The following PTPRJ variants were observed in gnomAD, a reference collection of about 807,000 sequenced individuals.
PTPRJ encodes protein tyrosine phosphatase receptor type J, also known as receptor-type tyrosine-protein phosphatase eta.
A neutral mutation model predicts 141.3 loss-of-function variants in PTPRJ; 129 were observed. The ratio of observed to expected loss-of-function variants is 0.91; its 90% CI spans 0.79 to 1.06. The LOEUF (loss-of-function observed/expected upper bound fraction) is 1.06. Among genes scored for constraint, PTPRJ ranks in the 50% least tolerant of loss-of-function variants. The pLI, the probability that PTPRJ is intolerant of heterozygous loss-of-function variation, is 0.00. For synonymous variants in PTPRJ, 610 were observed against 640.5 expected (o/e 0.95, Z 0.72); for missense variants, 1,601 against 1,679.7 (o/e 0.95, Z 0.82).
intron 1 of PTPRJ, among the ~76,000 whole-genome samples, chr11:48,022,164 T>G (rs1349104856): frequency 6.6e-6 from 1 of 151,836 alleles, no homozygotes; most frequent in East Asian, 1.9e-4. Flanking sequence ...AAGTGTTGGT[T>G]GTATATAAGA....
rs375496297 is a variant in PTPRJ at position 48,121,000 on chromosome 11, T to C, written c.353-3T>C. 56 of 1,570,516 alleles carry C rather than the reference T, an allele frequency of 3.6e-5. No homozygotes were observed. Among genetic ancestry groups the C allele is most frequent in the Non-Finnish European group, 4.2e-5 (49 of 1,157,000 alleles). On this transcript the variant is annotated splice_region_variant and splice_polypyrimidine_tract_variant and intron_variant, in intron 3 of 24. Transcript: ENST00000418331. ...AATTTTTTTTTTTTTTTTAACAATA[T>C]AGGGCCCAGTCCTGTGTTTGACATT...
At position 47,980,920 on chromosome 11, in the gene PTPRJ, C is replaced by G. The variant is rs1386421417; in HGVS notation, c.8C>G (p.Pro3Arg). 4 of 1,166,214 alleles carry G rather than the reference C, an allele frequency of 3.4e-6. No homozygotes were observed. Among genetic ancestry groups the G allele is most frequent in the Non-Finnish European group, 3.2e-6 (3 of 946,936 alleles). 72.2% of individuals were successfully genotyped at this position (1,166,214 alleles called of 1,614,324 possible). The change falls in exon 1 of 25, where the codon CCG (proline) becomes CGG (arginine). Residue 3 changes from proline (P) to arginine (R), a missense_variant. Coordinates refer to ENST00000418331, the MANE Select transcript of PTPRJ (RefSeq NM_002843.4). ...TTCCAGGGCGCGCGGGGCATGAAGC[C>G]GGCGGCGCGGGAGGCGCGGCTGCCT... MK[P>R]AAREARLPPR...
At chr11:48,141,638 G>A (rs1295011517) in intron 11 of PTPRJ, among the ~76,000 whole-genome samples, 1 of 152,112 alleles carries the variant, frequency 6.6e-6, no homozygotes, top group Non-Finnish European at 1.5e-5. Flanking sequence ...CAGCTCCCAA[G>A]GCCACACCTT....
chr11:48,116,046 C>A (rs191867146), intron 3 of PTPRJ, among the ~76,000 whole-genome samples: 46 of 152,000 alleles, frequency 3.0e-4, no homozygotes, highest in African/African-American at 1.0e-3. Flanking sequence ...AACCAAATGG[C>A]AGTAGTAAGT....
intron 1 of PTPRJ, among the ~76,000 whole-genome samples, chr11:48,095,688 C>T (rs1249354965): frequency 6.6e-6 from 1 of 150,796 alleles, no homozygotes; most frequent in Non-Finnish European, 1.5e-5. Flanking sequence ...CAAGTGATTT[C>T]TCCTGCCTCA....
chr11:47,980,757 G>A lies in PTPRJ; in HGVS notation c.-156G>A, dbSNP rs1376243868. ...CGCCGCCGCCGCTGCCATGTCTCCGGGGAAGCCCGGGGCGGGCGGAGCGGG... is the reference window on the plus strand; with the variant it reads ...CGCCGCCGCCGCTGCCATGTCTCCGAGGAAGCCCGGGGCGGGCGGAGCGGG... On this transcript the variant is annotated 5_prime_UTR_variant, in exon 1 of 25. Coordinates refer to ENST00000418331, the MANE Select transcript of PTPRJ (RefSeq NM_002843.4). 9.8e-7 allele frequency: 1 copy of A among 1,019,698 alleles called. No homozygotes were observed. Among genetic ancestry groups the A allele is most frequent in the African/African-American group, 1.7e-5 (1 of 57,620 alleles). 63.2% of individuals were successfully genotyped at this position (1,019,698 alleles called of 1,614,324 possible).
chr11:48,079,844 G>A (rs1016394801), intron 1 of PTPRJ, among the ~76,000 whole-genome samples: 1 of 152,122 alleles, frequency 6.6e-6, no homozygotes, highest in Non-Finnish European at 1.5e-5. Context: ...CCTGCTTCTG[G>A]GTTGGGGCTG....
In PTPRJ at chr11:48,064,753, A is replaced by T. The variant is rs56020868; in HGVS notation, c.97-45305A>T. ...TGAGTAGCTGGGATTACAGGCGCCC[A>T]CCACGGGCCCGAGAACTGAGTCTCG... On this transcript the variant is annotated intron_variant, in intron 1 of 24. Coordinates refer to ENST00000418331, the MANE Select transcript of PTPRJ (RefSeq NM_002843.4). Among the ~76,000 whole-genome samples the T allele has an allele frequency of 4.6e-3, 703 of 151,920 alleles. 6 individuals carry two copies. The highest frequency in any genetic ancestry group is 0.017 in the African/African-American group (685 of 41,442).
intron 1 of PTPRJ, among the ~76,000 whole-genome samples, chr11:48,104,589 C>A (rs537893564): frequency 2.6e-4 from 39 of 152,318 alleles, no homozygotes; most frequent in Non-Finnish European, 4.0e-4. Context: ...AAAAGCCCAA[C>A]GTGGATAACA....
intron 11 of PTPRJ, 150 bp from the exon 12 acceptor site, chr11:48,142,769 C>T: frequency 2.1e-6 from 2 of 969,910 alleles, no homozygotes; most frequent in Middle Eastern, 2.3e-4. Context: ...CCTTCCCTGC[C>T]TTTTGCTTCT....
At chr11:48,132,849 G>C (rs1857013141) in intron 8 of PTPRJ, 1 of 452,880 alleles carries the variant, frequency 2.2e-6, no homozygotes, top group South Asian at 9.4e-5. Context: ...TCTGAAATAA[G>C]GGATCTACTA....
At chr11:48,098,815 G>GTT (rs1856082191) in intron 1 of PTPRJ, among the ~76,000 whole-genome samples, 3 of 15,896 alleles carry the variant, frequency 1.9e-4, no homozygotes, top group Non-Finnish European at 1.0e-3. Flanking sequence ...CACCGCGCCC[G>GTT]GCCTTTATCT....
intron 1 of PTPRJ, among the ~76,000 whole-genome samples, chr11:47,990,561 G>A (rs1435976952): frequency 2.6e-5 from 4 of 152,084 alleles, no homozygotes; most frequent in South Asian, 2.1e-4. Context: ...ACAAGCATGC[G>A]CCACCATGCC....
chr11:48,078,795 GTT>G (rs55980751), intron 1 of PTPRJ, among the ~76,000 whole-genome samples: 3,319 of 96,238 alleles, frequency 0.034, 52 homozygotes, highest in African/African-American at 0.13. Context: ...TCTGTAAATA[GTT>G]TTTTTTTTTT....
chr11:47,980,746 C>G lies in PTPRJ; in HGVS notation c.-167C>G. The stretch of plus-strand genomic sequence containing the variant: ...GTGGCCGCGGCCGCCGCCGCCGCTG[C>G]CATGTCTCCGGGGAAGCCCGGGGCG... On this transcript the variant is annotated 5_prime_UTR_variant, in exon 1 of 25. Transcript: ENST00000418331. 9.9e-7 allele frequency: 1 copy of G among 1,014,702 alleles called. No individual in the cohort carries two copies. The highest frequency in any genetic ancestry group is 1.2e-6 in the Non-Finnish European group (1 of 851,180). 62.9% of individuals were successfully genotyped at this position (1,014,702 alleles called of 1,614,324 possible).
intron 1 of PTPRJ, among the ~76,000 whole-genome samples, chr11:48,027,478 C>T (rs561439778): frequency 1.3e-5 from 2 of 152,080 alleles, no homozygotes; most frequent in South Asian, 4.2e-4. Context: ...AATCCCCTCC[C>T]TGTTCCCCAA....
chr11:48,123,012 A>G (rs950110960), intron 4 of PTPRJ, among the ~76,000 whole-genome samples: 1 of 152,142 alleles, frequency 6.6e-6, no homozygotes, highest in Non-Finnish European at 1.5e-5. Flanking sequence ...AGGGGAGTGC[A>G]TGTCATTTTG....
chr11:48,002,140 T>C (rs531668958), intron 1 of PTPRJ, among the ~76,000 whole-genome samples: 1 of 147,006 alleles, frequency 6.8e-6, no homozygotes, highest in East Asian at 1.9e-4. Context: ...ATTTAAATTT[T>C]TTTTTTTTTT....
At chr11:48,103,176 G>C (rs1035022087) in intron 1 of PTPRJ, among the ~76,000 whole-genome samples, 2 of 152,192 alleles carry the variant, frequency 1.3e-5, no homozygotes, top group South Asian at 2.1e-4. Flanking sequence ...GAGAGCAGTT[G>C]CTCAGGATGG....
Sources: gnomAD v4.1 joint callset for allele counts (sites outside exome capture counted in the v4.1 genomes callset) on GRCh38, gnomAD v4.1.1 for gene constraint, MANE v1.5 for transcripts, NCBI Gene and HGNC (gene_info 2026-07-23, HGNC 2026-07-21) for gene names.